The following GSK3B variants were observed in gnomAD, a reference collection of about 807,000 sequenced individuals.
GSK3B encodes glycogen synthase kinase 3 beta, also known as glycogen synthase kinase-3 beta.
In GSK3B, 15 loss-of-function variants were observed where a neutral mutation model predicts 56.4. The ratio of observed to expected loss-of-function variants is 0.27; its 90% CI spans 0.18 to 0.41. The LOEUF is 0.41. Among genes scored for constraint, GSK3B ranks in the 10% least tolerant of loss-of-function variants. GSK3B has a pLI of 1.00. For synonymous variants in GSK3B, 181 were observed against 188.9 expected (o/e 0.96, Z 0.34); for missense variants, 300 against 513.4 (o/e 0.58, Z 4.02).
intron 3 of GSK3B, among the ~76,000 whole-genome samples, chr3:119,930,688 A>G (rs575952297): frequency 6.6e-6 from 1 of 152,376 alleles, no homozygotes; most frequent in African/African-American, 2.4e-5. Context: ...TGACAGTAAT[A>G]CATCTGGAAA....
rs191752781 is a variant in GSK3B at position 119,892,474 on chromosome 3, A to T, written c.813+13281T>A. 1.1e-3 allele frequency among the ~76,000 whole-genome samples: 171 copies of T among 152,320 alleles called. 1 individual carries two copies. The highest frequency in any genetic ancestry group is 3.7e-3 in the African/African-American group (153 of 41,586). ...TAGCTCTCCTAAGAAGGCTTTCCAG[A>T]CAGCACTACTCTGAGTGAAATGCTT... On this transcript the variant is annotated intron_variant, in intron 7 of 10. Coordinates refer to ENST00000264235, the MANE Select transcript of GSK3B (RefSeq NM_001146156.2).
intron 1 of GSK3B, among the ~76,000 whole-genome samples, chr3:120,026,848 G>A (rs1031573745): frequency 5.3e-5 from 8 of 151,770 alleles, no homozygotes; most frequent in African/African-American, 9.7e-5. Context: ...GTGAGCCACC[G>A]AGCCCGACCC....
At chr3:119,905,669 T>C (rs1243472944) in intron 7 of GSK3B, 86 bp downstream of exon 7, 3 of 772,474 alleles carry the variant, frequency 3.9e-6, no homozygotes, top group Non-Finnish European at 4.5e-6. Flanking sequence ...TTTTTAAGTT[T>C]CTCGTATGTG....
chr3:120,039,589 A>G (rs2058049399), intron 1 of GSK3B, among the ~76,000 whole-genome samples: 1 of 152,070 alleles, frequency 6.6e-6, no homozygotes, highest in Non-Finnish European at 1.5e-5. Flanking sequence ...ATTAGAAACC[A>G]CACATCACCC....
chr3:119,920,673 A>T (rs1200169741), intron 4 of GSK3B, among the ~76,000 whole-genome samples: 3 of 152,200 alleles, frequency 2.0e-5, no homozygotes, highest in Admixed American at 6.5e-5. Flanking sequence ...TTATTCTAAG[A>T]TGGTTATGTA....
chr3:119,935,755 G>A (rs1165168422), intron 3 of GSK3B, among the ~76,000 whole-genome samples: 3 of 152,080 alleles, frequency 2.0e-5, no homozygotes, highest in Non-Finnish European at 1.5e-5. Context: ...TATGAAGCCA[G>A]TATTACCCAA....
rs2055516769 is a variant in GSK3B, at chr3:119,826,825, T to C, written c.1226A>G (p.Asn409Ser). The C allele has an allele frequency of 1.9e-6, 3 of 1,612,914 alleles. No homozygotes were observed. Among genetic ancestry groups the C allele is most frequent in the Non-Finnish European group, 8.5e-7 (1 of 1,178,974 alleles). ...GGAAGCTGATGCAGAAGCAGCATTA[T>C]TGGTCTGTCCACGGTCTCCAGTATT... ...DANTGDRGQT[N>S]NAASASASNS... Residue 409 changes from asparagine (N) to serine (S), a missense_variant, in exon 11 of 11, where the codon AAT becomes AGT. Physicochemically the swap from Asn to Ser is conservative, Grantham distance 46. Around this residue, in one of 6 missense-constraint regions of GSK3B, gnomAD observed 88 missense variants for 92.7 expected, o/e 0.95. Transcript: ENST00000264235.
At chr3:120,036,730 T>A (rs1042130684) in intron 1 of GSK3B, among the ~76,000 whole-genome samples, 6 of 144,966 alleles carry the variant, frequency 4.1e-5, no homozygotes, top group Admixed American at 3.5e-4. Flanking sequence ...GAGGCAGAAG[T>A]TGCGGTGAGC....
At chr3:119,956,670 A>C (rs909114673) in intron 2 of GSK3B, among the ~76,000 whole-genome samples, 15 of 152,212 alleles carry the variant, frequency 9.9e-5, no homozygotes, top group African/African-American at 3.1e-4. Context: ...ACTAAAAAGA[A>C]ATTAGTCAGA....
rs141186781 is a variant in GSK3B, at chr3:120,041,889, T to C, written c.89-39650A>G. Among the ~76,000 whole-genome samples the C allele has an allele frequency of 4.3e-4, 66 of 152,302 alleles. No individual in the cohort carries two copies. The East Asian group carries it at 0.013, about 29-fold the overall frequency. On this transcript the variant is annotated intron_variant, in intron 1 of 10. Coordinates refer to ENST00000264235, the MANE Select transcript of GSK3B (RefSeq NM_001146156.2). ...TAATTGGTCTGCCCAAACTTGTGAA[T>C]TGTTTGCACTCAGCCAAGCCTTAAA...
chr3:120,082,646 G>A lies in GSK3B; in HGVS notation c.88+10701C>T, dbSNP rs570318429. Among the ~76,000 whole-genome samples the A allele has an allele frequency of 5.6e-4, 85 of 151,658 alleles. 1 individual carries two copies. Among genetic ancestry groups the A allele is most frequent in the South Asian group, 3.7e-3 (18 of 4,802 alleles). On this transcript the variant is annotated intron_variant, in intron 1 of 10. Coordinates refer to ENST00000264235, the MANE Select transcript of GSK3B (RefSeq NM_001146156.2). Reference sequence around the variant, plus strand: ...CCTGACCTCGTGATCCACCCGCCTCGGTCTCCCAATGTGCTGGGATTACAG... The same window carrying A: ...CCTGACCTCGTGATCCACCCGCCTCAGTCTCCCAATGTGCTGGGATTACAG...
chr3:119,942,332 G>A (rs1207070732), intron 3 of GSK3B, among the ~76,000 whole-genome samples: 2 of 152,014 alleles, frequency 1.3e-5, no homozygotes, highest in Admixed American at 1.3e-4. Context: ...GAGTTTCACT[G>A]TTGTTGCCCA....
intron 3 of GSK3B, among the ~76,000 whole-genome samples, chr3:119,945,473 G>A (rs927034457): frequency 2.0e-5 from 3 of 152,108 alleles, no homozygotes; most frequent in Non-Finnish European, 4.4e-5. Context: ...GCAGCAGAGA[G>A]GAAATTATCC....
At chr3:120,012,734 A>T (rs2107499601) in intron 1 of GSK3B, among the ~76,000 whole-genome samples, 1 of 152,264 alleles carries the variant, frequency 6.6e-6, no homozygotes, top group East Asian at 1.9e-4. Context: ...CAATGACGTG[A>T]TCATAGCTCA....
chr3:120,044,499 C>A (rs1319253308), intron 1 of GSK3B, among the ~76,000 whole-genome samples: 1 of 151,936 alleles, frequency 6.6e-6, no homozygotes, highest in Non-Finnish European at 1.5e-5. Context: ...AAAAAAATCA[C>A]AACACTGAAA....
chr3:119,898,984 G>A (rs2056599846), intron 7 of GSK3B, among the ~76,000 whole-genome samples: 1 of 152,084 alleles, frequency 6.6e-6, no homozygotes, highest in South Asian at 2.1e-4. Context: ...ATGAAGTGAG[G>A]TGAATTACAC....
chr3:119,912,103 C>T (rs573697354), intron 6 of GSK3B, among the ~76,000 whole-genome samples: 1 of 152,214 alleles, frequency 6.6e-6, no homozygotes, highest in African/African-American at 2.4e-5. Context: ...GAAAAATGTA[C>T]CTTTCACTTG....
At chr3:119,953,496 A>C (rs1276919852) in intron 2 of GSK3B, among the ~76,000 whole-genome samples, 7 of 152,216 alleles carry the variant, frequency 4.6e-5, no homozygotes, top group Non-Finnish European at 1.0e-4. Flanking sequence ...AATGATATAC[A>C]ATACAAACAG....
At chr3:119,904,874 G>A (rs911836754) in intron 7 of GSK3B, among the ~76,000 whole-genome samples, 1 of 151,394 alleles carries the variant, frequency 6.6e-6, no homozygotes, top group African/African-American at 2.4e-5. Context: ...CACAAACAAA[G>A]CCCCAGAGAC....
Sources: allele counts gnomAD v4.1 joint callset (sites outside exome capture counted in the v4.1 genomes callset), GRCh38; gene constraint gnomAD v4.1.1; regional missense constraint gnomAD v4.1.1; transcripts MANE v1.5; gene names NCBI Gene and HGNC (gene_info 2026-07-23, HGNC 2026-07-21).